DIP2B: variants seen among roughly 807,000 people sequenced by gnomAD.
The protein encoded by DIP2B is DIP2 acetate--CoA ligase B (putative), also known as disco-interacting protein 2 homolog B.
In DIP2B, 76 loss-of-function variants were observed where a neutral mutation model predicts 198.0. The observed-to-expected ratio is 0.38, with a 90% CI of 0.32 to 0.46. The LOEUF is 0.46. Among genes scored for constraint, DIP2B ranks in the 20% least tolerant of loss-of-function variants. The pLI is 0.99. For synonymous variants in DIP2B, 701 were observed against 739.1 expected (o/e 0.95, Z 0.84); for missense variants, 1,559 against 1,978.4 (o/e 0.79, Z 4.02).
intron 1 of DIP2B, among the ~76,000 whole-genome samples, chr12:50,562,290 A>G (rs975642247): frequency 2.6e-5 from 4 of 152,156 alleles, no homozygotes; most frequent in African/African-American, 4.8e-5. Context: ...GGGAGTGTGT[A>G]TGGTAATAAG....
intron 1 of DIP2B, among the ~76,000 whole-genome samples, chr12:50,617,780 A>G (rs1370011783): frequency 5.3e-5 from 8 of 152,120 alleles, no homozygotes; most frequent in Admixed American, 5.2e-4. Flanking sequence ...CTATACTCCA[A>G]CCTGGGCAAC....
intron 1 of DIP2B, among the ~76,000 whole-genome samples, chr12:50,510,995 G>A (rs1402399189): frequency 6.8e-6 from 1 of 147,822 alleles, no homozygotes; most frequent in East Asian, 2.0e-4. Context: ...ACCCGTGCTG[G>A]AGTGCACTGG....
intron 4 of DIP2B, among the ~76,000 whole-genome samples, chr12:50,663,511 G>A (rs868006074): frequency 4.4e-4 from 66 of 151,524 alleles, no homozygotes; most frequent in African/African-American, 7.5e-4. Context: ...AGCCGAGACC[G>A]CGCCACTGCA....
intron 32 of DIP2B, 21 bp from the exon 33 acceptor site, chr12:50,734,114 C>T: frequency 6.2e-7 from 1 of 1,612,928 alleles, no homozygotes; most frequent in Non-Finnish European, 8.5e-7. Context: ...CTAAACAACG[C>T]ATTGATTTGT....
intron 1 of DIP2B, among the ~76,000 whole-genome samples, chr12:50,576,455 C>A (rs1958661884): frequency 1.3e-5 from 2 of 151,136 alleles, no homozygotes; most frequent in African/African-American, 4.9e-5. Context: ...AGCCTAAGTA[C>A]ATATTTACGG....
chr12:50,601,668 AT>A (rs199524388), intron 1 of DIP2B, among the ~76,000 whole-genome samples: 17 of 148,204 alleles, frequency 1.1e-4, no homozygotes, highest in Admixed American at 1.3e-4. Flanking sequence ...AATATTTTAC[AT>A]TTTTTTTTTG....
At chr12:50,728,341 C>G (rs906882546) in intron 29 of DIP2B, among the ~76,000 whole-genome samples, 15 of 150,990 alleles carry the variant, frequency 9.9e-5, no homozygotes, top group African/African-American at 3.6e-4. Flanking sequence ...GAGTGAAACT[C>G]CATCTAAAAA....
At chr12:50,637,786 A>G (rs1011399775) in intron 2 of DIP2B, among the ~76,000 whole-genome samples, 1 of 152,212 alleles carries the variant, frequency 6.6e-6, no homozygotes, top group African/African-American at 2.4e-5. Flanking sequence ...CTGTTAAATC[A>G]TAAGCAGAAT....
At chr12:50,635,897 G>A (rs1200011406) in intron 2 of DIP2B, among the ~76,000 whole-genome samples, 1 of 152,092 alleles carries the variant, frequency 6.6e-6, no homozygotes, top group Admixed American at 6.6e-5. Context: ...TACTATTATT[G>A]GTGGAGGTGA....
At chr12:50,726,159 C>T (rs897796409) in intron 28 of DIP2B, among the ~76,000 whole-genome samples, 4 of 152,088 alleles carry the variant, frequency 2.6e-5, no homozygotes, top group African/African-American at 7.2e-5. Context: ...ATGGGTGCCC[C>T]ATGTTATGGT....
At chr12:50,647,040 T>C (rs1420698482) in intron 3 of DIP2B, among the ~76,000 whole-genome samples, 2 of 131,154 alleles carry the variant, frequency 1.5e-5, no homozygotes, top group East Asian at 2.6e-4. Context: ...TTTTTCTTGT[T>C]TGTCTTTTTT....
chr12:50,508,068 G>A (rs1001738887), intron 1 of DIP2B, among the ~76,000 whole-genome samples: 1 of 152,186 alleles, frequency 6.6e-6, no homozygotes, highest in African/African-American at 2.4e-5. Context: ...GCAGGTTTGT[G>A]CCTGCTTTGG....
At chr12:50,526,797 G>C (rs1044002341) in intron 1 of DIP2B, among the ~76,000 whole-genome samples, 1 of 151,786 alleles carries the variant, frequency 6.6e-6, no homozygotes, top group Non-Finnish European at 1.5e-5. Flanking sequence ...CACCACGCTT[G>C]GCTACTTTTT....
In DIP2B at chr12:50,735,105, G is replaced by A. The variant is rs1308709318; in HGVS notation, c.4076G>A (p.Ser1359Asn). Residue 1359 changes from serine to asparagine, a missense_variant, in exon 34 of 38, where the codon AGT (serine) becomes AAT (asparagine). Coordinates refer to ENST00000301180, the MANE Select transcript of DIP2B (RefSeq NM_173602.3). ...CTCGTGGAACGTGGCGCCCCTCAGA[G>A]TTTGCTTCTCTCAGAGTCTGGAAAG... Reference protein sequence around the residue: ...VRLVERGAPQSLLLSESGKIL... With the variant: ...VRLVERGAPQNLLLSESGKIL... The A allele has an allele frequency of 6.2e-7, 1 of 1,614,174 alleles. No homozygotes were observed. The highest frequency in any genetic ancestry group is 1.7e-5 in the Admixed American group (1 of 60,024).
At chr12:50,661,464 G>C (rs542036442) in intron 4 of DIP2B, among the ~76,000 whole-genome samples, 4 of 152,090 alleles carry the variant, frequency 2.6e-5, no homozygotes, top group Non-Finnish European at 5.9e-5. Context: ...GTATGCTGTG[G>C]GCTCATTTAC....
At chr12:50,535,522 A>G (rs2139368098) in intron 1 of DIP2B, among the ~76,000 whole-genome samples, 1 of 151,774 alleles carries the variant, frequency 6.6e-6, no homozygotes, top group East Asian at 2.0e-4. Flanking sequence ...GCCCACCACC[A>G]TGCCCGGCTA....
intron 1 of DIP2B, among the ~76,000 whole-genome samples, chr12:50,591,389 A>G (rs985098269): frequency 6.7e-6 from 1 of 149,454 alleles, no homozygotes; most frequent in Non-Finnish European, 1.5e-5. Flanking sequence ...TCTTTTCCCC[A>G]TTGTATTCCT....
chr12:50,690,240 C>T (rs1203137510), intron 12 of DIP2B, among the ~76,000 whole-genome samples: 1 of 152,166 alleles, frequency 6.6e-6, no homozygotes, highest in Non-Finnish European at 1.5e-5. Context: ...GCGCCCGCCA[C>T]TACGCCCGGC....
chr12:50,587,817 C>G (rs59651845), intron 1 of DIP2B, among the ~76,000 whole-genome samples: 1 of 152,222 alleles, frequency 6.6e-6, no homozygotes, highest in Admixed American at 6.5e-5. Context: ...TTATCACTTA[C>G]TCATCAAGTA....
Sources: gnomAD v4.1 joint callset for allele counts (sites outside exome capture counted in the v4.1 genomes callset) on GRCh38, gnomAD v4.1.1 for gene constraint, MANE v1.5 for transcripts, NCBI Gene and HGNC (gene_info 2026-07-23, HGNC 2026-07-21) for gene names.